The following CFAP44 variants were observed in gnomAD, a reference collection of about 807,000 sequenced individuals.
CFAP44 encodes cilia and flagella associated protein 44, also known as cilia- and flagella-associated protein 44.
A neutral mutation model predicts 216.2 loss-of-function variants in CFAP44; 134 were observed. The observed-to-expected ratio is 0.62, with a 90% confidence interval of 0.54 to 0.72. The LOEUF is 0.72. Among genes scored for constraint, CFAP44 ranks in the 30% least tolerant of loss-of-function variants. The pLI, the probability that CFAP44 is intolerant of heterozygous loss-of-function variation, is 0.00. For synonymous variants in CFAP44, 700 were observed against 727.6 expected (o/e 0.96, Z 0.61); for missense variants, 2,035 against 2,182.1 (o/e 0.93, Z 1.34).
At chr3:113,440,830 G>A (rs1935343948) in intron 1 of CFAP44, among the ~76,000 whole-genome samples, 1 of 152,062 alleles carries the variant, frequency 6.6e-6, no homozygotes, top group East Asian at 1.9e-4. Context: ...TCTCTCCCTA[G>A]CCTCCTTAGC....
At chr3:113,418,745 G>A (rs1394476380) in intron 5 of CFAP44, among the ~76,000 whole-genome samples, 4 of 151,230 alleles carry the variant, frequency 2.6e-5, no homozygotes, top group South Asian at 2.1e-4. Flanking sequence ...TTGCCCTGTC[G>A]CCCAGGCTGA....
Position 113,287,152 on chromosome 3 carries a change from G to A in CFAP44, c.*4405C>T, listed in dbSNP as rs1949765218. The stretch of plus-strand genomic sequence containing the variant: ...CTCCTAACCTGGGGCCTCTGCAGTG[G>A]CAGGCGAGGCTGCAGGAGGCCCACA... On this transcript the variant is annotated 3_prime_UTR_variant, in exon 35 of 35. Transcript: ENST00000393845. 1 of 440,378 alleles carries A rather than the reference G, an allele frequency of 2.3e-6. No individual in the cohort carries two copies. The highest frequency in any genetic ancestry group is 1.7e-5 in the South Asian group (1 of 58,508). The allele number at this position is 440,378 out of a possible 1,614,324, so 27.3% of individuals were successfully genotyped here.
At chr3:113,403,264 C>T (rs1225168412) in intron 9 of CFAP44, among the ~76,000 whole-genome samples, 2 of 152,182 alleles carry the variant, frequency 1.3e-5, no homozygotes, top group African/African-American at 4.8e-5. Flanking sequence ...ACAGAAAGTG[C>T]TACACAGAGT....
chr3:113,363,311 A>G lies in CFAP44; in HGVS notation c.2772-4T>C, dbSNP rs1443697842. The G allele has an allele frequency of 1.9e-6, 3 of 1,597,306 alleles. No individual in the cohort carries two copies. The highest frequency in any genetic ancestry group is 1.7e-6 in the Non-Finnish European group (2 of 1,174,414). On this transcript the variant is annotated splice_polypyrimidine_tract_variant and splice_region_variant and intron_variant, in intron 20 of 34. Coordinates refer to ENST00000393845, the MANE Select transcript of CFAP44 (RefSeq NM_001164496.2). ...TTTTCTCCTAGCATTCTCGATACTG[A>G]AAACAGAAATTTAAAACAATAACAG...
In CFAP44 at chr3:113,409,173, C is replaced by G; in HGVS notation, c.823G>C (p.Val275Leu). Residue 275 changes from valine to leucine, a missense_variant, in exon 7 of 35, where the codon GTT (valine) becomes CTT (leucine). Transcript: ENST00000393845. ...ILRTKAFSQE[V>L]FKVTFNPDKE... ...TCAGGATTGAAAGTAACCTTAAAAA[C>G]TTCCTGAGAAAAAGCTTTTGTCCTT... 1 of 1,614,078 alleles carries G rather than the reference C, an allele frequency of 6.2e-7. No individual in the cohort carries two copies. Among genetic ancestry groups the G allele is most frequent in the Non-Finnish European group, 8.5e-7 (1 of 1,180,032 alleles).
chr3:113,368,858 G>T (rs903723766), intron 18 of CFAP44, among the ~76,000 whole-genome samples: 2 of 152,174 alleles, frequency 1.3e-5, no homozygotes, highest in South Asian at 4.1e-4. Context: ...CTCACTTACA[G>T]AGATACACAT....
chr3:113,388,726 T>C (rs1461064967), intron 15 of CFAP44, among the ~76,000 whole-genome samples: 1 of 152,078 alleles, frequency 6.6e-6, no homozygotes, highest in African/African-American at 2.4e-5. Context: ...GAAATCAAAA[T>C]AGAGTAGAAA....
At position 113,401,805 on chromosome 3, in the gene CFAP44, G is replaced by A. The variant is rs568028024; in HGVS notation, c.1171-66C>T. 8.2e-6 allele frequency: 12 copies of A among 1,468,078 alleles called. No individual in the cohort carries two copies. The African/African-American group carries it at 1.4e-4, about 18-fold the overall frequency. 90.9% of individuals were successfully genotyped at this position (1,468,078 alleles called of 1,614,324 possible). A position where few individuals can be genotyped will look rare whatever the true frequency, so the allele number is the denominator to read the frequency against. On this transcript the variant is annotated intron_variant, in intron 9 of 34. Transcript: ENST00000393845. ...TTCTGAACATTTATTTTCTAAGCCA[G>A]AAAAACCCTGATTTTTTTTTCAAAA...
intron 15 of CFAP44, among the ~76,000 whole-genome samples, chr3:113,388,398 A>G (rs1345028890): frequency 6.6e-6 from 1 of 152,232 alleles, no homozygotes; most frequent in African/African-American, 2.4e-5. Flanking sequence ...AAAACATACA[A>G]TGGATATACA....
chr3:113,426,778 G>T lies in CFAP44; in HGVS notation c.253+409C>A, dbSNP rs149895620. The T allele has an allele frequency of 1.4e-3, 301 of 209,432 alleles. 2 individuals are homozygous for T. Among genetic ancestry groups the T allele is most frequent in the African/African-American group, 5.8e-3 (244 of 42,396 alleles). 13.0% of individuals were successfully genotyped at this position (209,432 alleles called of 1,614,324 possible). A position where few individuals can be genotyped will look rare whatever the true frequency, so the allele number is the denominator to read the frequency against. On this transcript the variant is annotated intron_variant, in intron 3 of 34. Coordinates refer to ENST00000393845, the MANE Select transcript of CFAP44 (RefSeq NM_001164496.2). ...CAGTAAGTACTACTACTGGCTGGAA[G>T]ATAGGAAGCAGTCATCGGTGAGCAT...
At chr3:113,410,652 G>A (rs895407825) in intron 6 of CFAP44, among the ~76,000 whole-genome samples, 4 of 152,050 alleles carry the variant, frequency 2.6e-5, no homozygotes, top group African/African-American at 9.7e-5. Flanking sequence ...TAATCCTTTG[G>A]GTATATACCC....
chr3:113,368,250 A>T (rs564180129), intron 18 of CFAP44, among the ~76,000 whole-genome samples: 6 of 152,314 alleles, frequency 3.9e-5, no homozygotes, highest in African/African-American at 1.4e-4. Flanking sequence ...CACCACAAAG[A>T]TTCTCCTTGA....
intron 28 of CFAP44, among the ~76,000 whole-genome samples, chr3:113,315,238 G>T (rs1474578577): frequency 6.6e-6 from 1 of 151,966 alleles, no homozygotes; most frequent in Middle Eastern, 3.2e-3. Context: ...GATGGAAAAA[G>T]AAATATTATA....
chr3:113,374,781 TG>T (rs1933286654), intron 17 of CFAP44, among the ~76,000 whole-genome samples: 1 of 152,084 alleles, frequency 6.6e-6, no homozygotes, highest in Non-Finnish European at 1.5e-5. Context: ...ATTGCAGGTT[TG>T]AGCCACTCCG....
In CFAP44 at chr3:113,326,659, G is replaced by T; in HGVS notation, c.4321-19C>A. 7.1e-7 allele frequency: 1 copy of T among 1,407,906 alleles called. No individual in the cohort carries two copies. Among genetic ancestry groups the T allele is most frequent in the Non-Finnish European group, 9.4e-7 (1 of 1,063,148 alleles). 87.2% of individuals were successfully genotyped at this position (1,407,906 alleles called of 1,614,324 possible). A position where few individuals can be genotyped will look rare whatever the true frequency, so the allele number is the denominator to read the frequency against. On this transcript the variant is annotated intron_variant, in intron 27 of 34. Transcript: ENST00000393845. The stretch of plus-strand genomic sequence containing the variant: ...TTTTCCACTAAATGAATAAAAACAA[G>T]GACAAATGATAAATATTTCTGATAA...
intron 6 of CFAP44, among the ~76,000 whole-genome samples, chr3:113,414,019 T>C (rs1934570771): frequency 1.3e-5 from 2 of 152,220 alleles, no homozygotes; most frequent in Middle Eastern, 3.4e-3. Flanking sequence ...TTTGTTTGTG[T>C]CCTCTCTTAC....
In CFAP44 at chr3:113,396,683, TC is replaced by T. The variant is rs1362677799; in HGVS notation, c.1613del (p.Gly538GlufsTer30). The T allele has an allele frequency of 6.8e-6, 11 of 1,614,056 alleles. No homozygotes were observed. Among genetic ancestry groups the T allele is most frequent in the Non-Finnish European group, 9.3e-6 (11 of 1,179,980 alleles). Reference protein sequence around the residue: ...GAQIIVGFEDGVVRILELYDP... With the variant: ...GAQIIVGFEDXVVRILELYDP... ...CATAAAGTTCAAGAATTCGAACAAC[TC>T]CATCTTCAAATCCTACAATAATTTG... is the stretch of plus-strand genomic sequence containing the variant. On this transcript the variant is annotated frameshift_variant, in exon 14 of 35. Coordinates refer to ENST00000393845, the MANE Select transcript of CFAP44 (RefSeq NM_001164496.2). LOFTEE classifies it high-confidence loss of function.
chr3:113,339,204 G>A (rs1310412240), intron 24 of CFAP44, among the ~76,000 whole-genome samples: 1 of 152,170 alleles, frequency 6.6e-6, no homozygotes, highest in Non-Finnish European at 1.5e-5. Context: ...CCCTTGTGCA[G>A]AGGGCTATGA....
chr3:113,373,303 A>G lies in CFAP44; in HGVS notation c.2444+108T>C, dbSNP rs1473517997. On this transcript the variant is annotated intron_variant, in intron 18 of 34. Transcript: ENST00000393845. ...TTATTTAACCAAATATTTTTTGAGTACCCCTTCATTTGGATGGATCTTTAA... is the reference window on the plus strand; with the variant it reads ...TTATTTAACCAAATATTTTTTGAGTGCCCCTTCATTTGGATGGATCTTTAA... 9 of 1,082,992 alleles carry G rather than the reference A, an allele frequency of 8.3e-6. No individual in the cohort carries two copies. The East Asian group carries it at 2.6e-4, about 31-fold the overall frequency. The allele number at this position is 1,082,992 out of a possible 1,614,324, so 67.1% of individuals were successfully genotyped here.
Sources: gnomAD v4.1 joint callset for allele counts (sites outside exome capture counted in the v4.1 genomes callset) on GRCh38, gnomAD v4.1.1 for gene constraint, MANE v1.5 for transcripts, NCBI Gene and HGNC (gene_info 2026-07-23, HGNC 2026-07-21) for gene names.